Variants in USPL1 observed in about 807,000 individuals in gnomAD.
USPL1 encodes SUMO-specific isopeptidase USPL1.
A neutral mutation model predicts 51.5 loss-of-function variants in USPL1; 27 were observed. The observed-to-expected ratio is 0.52, with a 90% CI of 0.39 to 0.72. The LOEUF (loss-of-function observed/expected upper bound fraction) is 0.72. Among genes scored for constraint, USPL1 ranks in the 30% least tolerant of loss-of-function variants. USPL1 has a pLI of 0.00. For missense variants in USPL1, 1,226 were observed against 1,268.0 expected, an observed-to-expected ratio of 0.97 and a Z score of 0.50; for synonymous variants, 451 against 459.6, an observed-to-expected ratio of 0.98 and a Z score of 0.24.
intron 3 of USPL1, among the ~76,000 whole-genome samples, chr13:30,623,625 C>A: frequency 6.6e-6 from 1 of 150,498 alleles, no homozygotes; most frequent in Non-Finnish European, 1.5e-5. Context: ...TTGCTAACAC[C>A]GGGGTTCATA....
intron 3 of USPL1, among the ~76,000 whole-genome samples, chr13:30,626,313 AAAATAAATAAAT>A (rs57602031): frequency 1.0e-4 from 15 of 149,296 alleles, no homozygotes; most frequent in East Asian, 7.8e-4. Context: ...ACTCTATCTC[AAAATAAATAAAT>A]AAATAAATAA....
intron 5 of USPL1, among the ~76,000 whole-genome samples, chr13:30,639,462 T>C (rs897466314): frequency 2.0e-5 from 3 of 152,132 alleles, no homozygotes; most frequent in Non-Finnish European, 4.4e-5. Context: ...TCTGTTCTTA[T>C]AAAAGTCTGA....
At chr13:30,618,357 C>T (rs770774180) in intron 1 of USPL1, among the ~76,000 whole-genome samples, 3 of 152,114 alleles carry the variant, frequency 2.0e-5, no homozygotes, top group Non-Finnish European at 4.4e-5. Flanking sequence ...AAACTCACCT[C>T]CTTTGGTCCT....
chr13:30,621,798 A>G lies in USPL1; in HGVS notation c.134A>G (p.Tyr45Cys). The change falls in exon 3 of 9, where the codon TAT becomes TGT. Residue 45 changes from tyrosine to cysteine, a missense_variant. Tyr to Cys is a radical substitution (Grantham distance 194, BLOSUM62 -2). Coordinates refer to ENST00000255304, the MANE Select transcript of USPL1 (RefSeq NM_005800.5). ...FDSAKVPSDE[Y>C]CPACREKGKL... Reference sequence around the variant, plus strand: ...TCAGCTAAAGTTCCATCAGATGAGTATTGCCCTGCTTGTAGAGAGAAGGGA... The same window carrying G: ...TCAGCTAAAGTTCCATCAGATGAGTGTTGCCCTGCTTGTAGAGAGAAGGGA... 1 of 1,580,690 alleles carries G rather than the reference A, an allele frequency of 6.3e-7. No homozygotes were observed. The highest frequency in any genetic ancestry group is 8.6e-7 in the Non-Finnish European group (1 of 1,166,736).
chr13:30,658,768 G>C lies in USPL1; in HGVS notation c.2691G>C (p.Lys897Asn). The change falls in exon 9 of 9, where the codon AAG becomes AAC. Residue 897 changes from lysine (K) to asparagine (N), a missense_variant. Transcript: ENST00000255304. ...GTCTAAAACTTCGTAAAAAGCTAAA[G>C]GCAGAAAAGAAGAAATTAGCTGCTC... ...KLRLKLRKKL[K>N]AEKKKLAALM... 6.2e-7 allele frequency: 1 copy of C among 1,614,092 alleles called. No individual in the cohort carries two copies. Among genetic ancestry groups the C allele is most frequent in the South Asian group, 1.1e-5 (1 of 91,080 alleles).
At chr13:30,646,805 A>G (rs772628888) in intron 6 of USPL1, 127 bp from the exon 7 acceptor site, 15 of 1,035,198 alleles carry the variant, frequency 1.4e-5, no homozygotes, top group African/African-American at 3.3e-5. Context: ...ACATTGCCAT[A>G]TTAACATGAT....
intron 3 of USPL1, among the ~76,000 whole-genome samples, chr13:30,625,279 A>G (rs1253013643): frequency 2.6e-5 from 4 of 152,124 alleles, no homozygotes; most frequent in African/African-American, 9.7e-5. Flanking sequence ...GAAAAATTAG[A>G]AGAATGGAAT....
chr13:30,648,289 A>C (rs1467406012), intron 7 of USPL1, among the ~76,000 whole-genome samples: 2 of 152,184 alleles, frequency 1.3e-5, no homozygotes, highest in African/African-American at 4.8e-5. Context: ...AAGACTTATT[A>C]ATAAATTTTC....
chr13:30,641,009 C>G (rs1289147658), intron 5 of USPL1, among the ~76,000 whole-genome samples: 1 of 152,136 alleles, frequency 6.6e-6, no homozygotes. Context: ...GGCTGGTGTT[C>G]CACCTCTTGA....
At chr13:30,639,241 TA>T (rs1950914481) in intron 5 of USPL1, among the ~76,000 whole-genome samples, 2 of 150,592 alleles carry the variant, frequency 1.3e-5, no homozygotes, top group Non-Finnish European at 3.0e-5. Flanking sequence ...TATATATATA[TA>T]TATGTGTGTA....
At chr13:30,622,391 C>G (rs749749144) in intron 3 of USPL1, among the ~76,000 whole-genome samples, 1 of 151,962 alleles carries the variant, frequency 6.6e-6, no homozygotes, top group Non-Finnish European at 1.5e-5. Context: ...TAATTTGTAC[C>G]GACTGGTACG....
At chr13:30,650,643 C>T (rs887808576) in intron 7 of USPL1, among the ~76,000 whole-genome samples, 5 of 151,274 alleles carry the variant, frequency 3.3e-5, no homozygotes, top group South Asian at 2.1e-4. Flanking sequence ...AGGTGTATCC[C>T]GACTTCAGAG....
chr13:30,656,119 T>C (rs1261361278), intron 8 of USPL1, among the ~76,000 whole-genome samples: 1 of 152,232 alleles, frequency 6.6e-6, no homozygotes, highest in East Asian at 1.9e-4. Context: ...AAGTAAAATG[T>C]AAAGAAATAT....
At position 30,657,836 on chromosome 13, in the gene USPL1, A is replaced by G. The variant is rs1951186640; in HGVS notation, c.1759A>G (p.Thr587Ala). 3 of 1,613,918 alleles carry G rather than the reference A, an allele frequency of 1.9e-6. No homozygotes were observed. The African/African-American group carries it at 4.0e-5, about 22-fold the overall frequency. The part of the protein sequence containing the change: ...KGLVDNILPL[T>A]LEETIQKTAS... ...TTTGGTTGACAATATTTTACCTCTG[A>G]CACTTGAAGAAACTATCCAGAAAAC... Residue 587 changes from threonine (T) to alanine (A), a missense_variant, in exon 9 of 9, where the codon ACA (threonine) becomes GCA (alanine). Thr to Ala is a moderately conservative substitution (Grantham distance 58). Coordinates refer to ENST00000255304, the MANE Select transcript of USPL1 (RefSeq NM_005800.5).
intron 5 of USPL1, among the ~76,000 whole-genome samples, chr13:30,640,315 A>T (rs1950929866): frequency 6.6e-6 from 1 of 152,222 alleles, no homozygotes; most frequent in Non-Finnish European, 1.5e-5. Flanking sequence ...GCTATATGAC[A>T]TACTGTTTAT....
chr13:30,650,234 C>T (rs965244409), intron 7 of USPL1, among the ~76,000 whole-genome samples: 3 of 152,208 alleles, frequency 2.0e-5, no homozygotes, highest in South Asian at 2.1e-4. Context: ...TGATTGACTC[C>T]AAGATGCTAC....
At chr13:30,626,483 A>G (rs866659272) in intron 3 of USPL1, among the ~76,000 whole-genome samples, 1 of 152,190 alleles carries the variant, frequency 6.6e-6, no homozygotes, top group Admixed American at 6.5e-5. Context: ...TTTGCATACA[A>G]CAACAGAGTT....
chr13:30,632,765 A>T (rs1033148592), intron 4 of USPL1, among the ~76,000 whole-genome samples: 9 of 152,106 alleles, frequency 5.9e-5, no homozygotes, highest in African/African-American at 2.2e-4. Flanking sequence ...GGGTGTCAGG[A>T]TAATAGTGGT....
chr13:30,642,806 C>G (rs1372776471), intron 6 of USPL1, 49 bp downstream of exon 6: 5 of 1,587,500 alleles, frequency 3.1e-6, no homozygotes, highest in African/African-American at 1.4e-5. Flanking sequence ...TTCTCCACCA[C>G]TAAGGTTAAG....
Sources: allele counts gnomAD v4.1 joint callset (sites outside exome capture counted in the v4.1 genomes callset), GRCh38; gene constraint gnomAD v4.1.1; transcripts MANE v1.5; gene names NCBI Gene and HGNC (gene_info 2026-07-23, HGNC 2026-07-21).